PTBP3: variants seen among roughly 807,000 people sequenced by gnomAD.
PTBP3 encodes the protein polypyrimidine tract-binding protein 3.
A neutral mutation model predicts 58.7 loss-of-function variants in PTBP3; 20 were observed. The observed-to-expected ratio is 0.34, with a 90% confidence interval of 0.24 to 0.50. The LOEUF is 0.50. Among genes scored for constraint, PTBP3 ranks in the 20% least tolerant of loss-of-function variants. The pLI is 0.98. For synonymous variants in PTBP3, 185 were observed against 219.8 expected, an observed-to-expected ratio of 0.84 and a Z score of 1.40; for missense variants, 509 against 637.2, an observed-to-expected ratio of 0.80 and a Z score of 2.17.
At position 112,234,987 on chromosome 9, in the gene PTBP3, A is replaced by G; in HGVS notation, c.803-90T>C. On this transcript the variant is annotated intron_variant, in intron 7 of 13. Coordinates refer to ENST00000374257, the MANE Select transcript of PTBP3 (RefSeq NM_001163788.4). The stretch of plus-strand genomic sequence containing the variant: ...TAAAATGGCTCTATGAAAGTATATT[A>G]CTAACAAAGAGATTCTGTTACGGAG... 2 of 1,043,860 alleles carry G rather than the reference A, an allele frequency of 1.9e-6. 1 individual carries two copies. Among genetic ancestry groups the G allele is most frequent in the South Asian group, 3.0e-5 (2 of 67,384 alleles). 64.7% of individuals were successfully genotyped at this position (1,043,860 alleles called of 1,614,324 possible). A position where few individuals can be genotyped will look rare whatever the true frequency, so the allele number is the denominator to read the frequency against.
the PTBP3 span, among the ~76,000 whole-genome samples, chr9:112,363,612 G>C: frequency 0.24 from 36,819 of 151,378 alleles, 4,912 homozygotes; most frequent in East Asian, 0.36. Context: ...AATCAATAGA[G>C]CATAAGTGTA....
rs1589786519 is a variant in PTBP3, at chr9:112,220,854, T to C, written c.*2997A>G. On this transcript the variant is annotated 3_prime_UTR_variant, in exon 14 of 14. Coordinates refer to ENST00000374257, the MANE Select transcript of PTBP3 (RefSeq NM_001163788.4). ...GAAGTCAAGACACCTTGAAAAGTGA[T>C]GACAATACTCCTTAAAAATAAAATA... The C allele has an allele frequency of 1.0e-6, 1 of 968,480 alleles. No homozygotes were observed. Among genetic ancestry groups the C allele is most frequent in the Admixed American group, 6.2e-5 (1 of 16,260 alleles). 60.0% of individuals were successfully genotyped at this position (968,480 alleles called of 1,614,324 possible).
chr9:112,296,010 C>T (rs1285080238), intron 2 of PTBP3, among the ~76,000 whole-genome samples: 2 of 152,284 alleles, frequency 1.3e-5, no homozygotes, highest in Middle Eastern at 3.4e-3. Flanking sequence ...TTTCTTAAAA[C>T]GTTGTGAGAC....
the PTBP3 span, among the ~76,000 whole-genome samples, chr9:112,366,518 A>G: frequency 6.6e-6 from 1 of 152,114 alleles, no homozygotes; most frequent in African/African-American, 2.4e-5. Context: ...AGCTTGGGCC[A>G]TGGCTTCCGA....
chr9:112,324,729 T>C (rs570612256), intron 1 of PTBP3, among the ~76,000 whole-genome samples: 2 of 151,612 alleles, frequency 1.3e-5, no homozygotes, highest in Non-Finnish European at 2.9e-5. Flanking sequence ...AGTGAATGCC[T>C]ATTAAGCACA....
chr9:112,289,600 G>A (rs1324110304), intron 2 of PTBP3, among the ~76,000 whole-genome samples: 1 of 152,152 alleles, frequency 6.6e-6, no homozygotes, highest in Non-Finnish European at 1.5e-5. Context: ...GGGGAACACA[G>A]GGAGACCCAG....
intron 2 of PTBP3, among the ~76,000 whole-genome samples, chr9:112,281,806 T>C (rs561834646): frequency 1.0e-3 from 159 of 152,336 alleles, no homozygotes; most frequent in Non-Finnish European, 1.8e-3. Flanking sequence ...ATCTGAAGTG[T>C]CAAATTTATT....
At chr9:112,303,879 A>AATC in intron 1 of PTBP3, among the ~76,000 whole-genome samples, 1 of 123,684 alleles carries the variant, frequency 8.1e-6, no homozygotes, top group Non-Finnish European at 1.7e-5. Flanking sequence ...ATCAATCAAT[A>AATC]CTACAGGCTG....
At chr9:112,324,316 T>C (rs948713642) in intron 1 of PTBP3, among the ~76,000 whole-genome samples, 2 of 152,238 alleles carry the variant, frequency 1.3e-5, no homozygotes, top group African/African-American at 4.8e-5. Context: ...CTACAATGTA[T>C]ACAGCAACCA....
chr9:112,228,447 C>T lies in PTBP3; in HGVS notation c.1080G>A (p.Val360=). 1 of 1,607,126 alleles carries T rather than the reference C, an allele frequency of 6.2e-7. No homozygotes were observed. Among genetic ancestry groups the T allele is most frequent in the South Asian group, 1.1e-5 (1 of 89,450 alleles). Reference sequence around the variant, plus strand: ...TTTCTTTCTTATTAAACATAATCTTCACTCGATGTACATCACCATAGACTC... The same window carrying T: ...TTTCTTTCTTATTAAACATAATCTTTACTCGATGTACATCACCATAGACTC... The part of the protein sequence containing the change: ...LFGVYGDVHR[V]KIMFNKKENA... Residue 360 remains valine, a synonymous_variant, in exon 11 of 14, where the codon GTG becomes GTA. Transcript: ENST00000374257.
chr9:112,220,145 A>G lies in PTBP3; in HGVS notation c.*3706T>C. 1 of 1,306,704 alleles carries G rather than the reference A, an allele frequency of 7.7e-7. No homozygotes were observed. The highest frequency in any genetic ancestry group is 1.0e-6 in the Non-Finnish European group (1 of 998,126). The allele number at this position is 1,306,704 out of a possible 1,614,324, so 80.9% of individuals were successfully genotyped here. On this transcript the variant is annotated 3_prime_UTR_variant, in exon 14 of 14. Coordinates refer to ENST00000374257, the MANE Select transcript of PTBP3 (RefSeq NM_001163788.4). ...GTACACATTAGGTTTTCTAAGGGAT[A>G]GGTGGGGAAAAACACATGTACTTTT...
chr9:112,304,172 GA>G (rs199511877), intron 1 of PTBP3, among the ~76,000 whole-genome samples: 2 of 148,788 alleles, frequency 1.3e-5, no homozygotes, highest in African/African-American at 2.5e-5. Context: ...GTCTTAGGAG[GA>G]AAAAAAAAAT....
chr9:112,315,656 G>A (rs1486451372), intron 1 of PTBP3, among the ~76,000 whole-genome samples: 1 of 152,046 alleles, frequency 6.6e-6, no homozygotes, highest in Non-Finnish European at 1.5e-5. Context: ...GAATAACATG[G>A]TTTTAAAAAC....
intron 5 of PTBP3, among the ~76,000 whole-genome samples, chr9:112,260,930 T>C (rs1037181277): frequency 4.6e-5 from 7 of 152,124 alleles, no homozygotes; most frequent in African/African-American, 1.4e-4. Context: ...GTTACTGTGG[T>C]TAGGGAGATG....
chr9:112,295,978 G>A (rs1274841777), intron 2 of PTBP3, among the ~76,000 whole-genome samples: 3 of 152,142 alleles, frequency 2.0e-5, no homozygotes, highest in African/African-American at 4.8e-5. Context: ...CTTTGAATGC[G>A]GCCCAAAACA....
chr9:112,275,796 T>C lies in PTBP3; in HGVS notation c.204+48A>G, dbSNP rs766328418. On this transcript the variant is annotated intron_variant, in intron 3 of 13. Coordinates refer to ENST00000374257, the MANE Select transcript of PTBP3 (RefSeq NM_001163788.4). ...AGAAAATAAAAATTATCAGTAATAC[T>C]AACATCTGGAGATAATCACTCTTTG... is the stretch of plus-strand genomic sequence containing the variant. 18 of 1,452,896 alleles carry C rather than the reference T, an allele frequency of 1.2e-5. 2 individuals carry two copies. In the South Asian group the frequency reaches 2.0e-4, roughly 16 times the overall value. The allele number at this position is 1,452,896 out of a possible 1,614,324, so 90.0% of individuals were successfully genotyped here.
intron 1 of PTBP3, among the ~76,000 whole-genome samples, chr9:112,312,864 C>T (rs888376363): frequency 1.1e-4 from 17 of 151,614 alleles, no homozygotes; most frequent in African/African-American, 4.1e-4. Context: ...GGCAACATGG[C>T]GAAACCCTGT....
chr9:112,341,179 T>C, the PTBP3 span, among the ~76,000 whole-genome samples: 6 of 152,146 alleles, frequency 3.9e-5, no homozygotes, highest in Non-Finnish European at 8.8e-5. Flanking sequence ...TCGCCCAGAC[T>C]AGAGTGCAGT....
rs769300842 is a variant in PTBP3 at position 112,252,659 on chromosome 9, A to G, written c.627+19T>C. 1.3e-6 allele frequency: 2 copies of G among 1,526,322 alleles called. No individual in the cohort carries two copies. The highest frequency in any genetic ancestry group is 9.1e-7 in the Non-Finnish European group (1 of 1,101,324). The allele number at this position is 1,526,322 out of a possible 1,614,324, so 94.5% of individuals were successfully genotyped here. A position where few individuals can be genotyped will look rare whatever the true frequency, so the allele number is the denominator to read the frequency against. ...TGGAGTGATTAACAATTGAAAAATG[A>G]AACAAAGATCATAATTACCATTTTG... is the stretch of plus-strand genomic sequence containing the variant. On this transcript the variant is annotated intron_variant, in intron 6 of 13. Transcript: ENST00000374257.
Sources: gnomAD v4.1 joint callset for allele counts (sites outside exome capture counted in the v4.1 genomes callset) on GRCh38, gnomAD v4.1.1 for gene constraint, MANE v1.5 for transcripts, NCBI Gene and HGNC (gene_info 2026-07-23, HGNC 2026-07-21) for gene names.